Variants in ARHGAP40 observed in about 807,000 individuals in gnomAD.
The protein encoded by ARHGAP40 is Rho GTPase activating protein 40.
Under a neutral mutation model 73.5 loss-of-function variants are expected in ARHGAP40, and 43 were observed. That is an observed-to-expected ratio of 0.58 (90% confidence interval 0.46 to 0.75). The LOEUF (loss-of-function observed/expected upper bound fraction) is 0.75, where lower values mean the gene tolerates loss of function less well. Ranked by LOEUF, ARHGAP40 falls within the 30% of genes least tolerant of loss-of-function variation. The pLI is 0.00. For synonymous variants in ARHGAP40, 300 were observed against 352.8 expected, an observed-to-expected ratio of 0.85 and a Z score of 1.68; for missense variants, 734 against 861.8, an observed-to-expected ratio of 0.85 and a Z score of 1.86.
chr20:38,630,273 G>T (rs2088930902), intron 5 of ARHGAP40, among the ~76,000 whole-genome samples: 1 of 149,946 alleles, frequency 6.7e-6, no homozygotes, highest in African/African-American at 2.5e-5. Context: ...AGGCGGGAGT[G>T]CAGTGGTACC....
At chr20:38,619,418 G>A (rs2088862392) in intron 1 of ARHGAP40, among the ~76,000 whole-genome samples, 1 of 151,842 alleles carries the variant, frequency 6.6e-6, no homozygotes, top group Non-Finnish European at 1.5e-5. Context: ...AGAAGTTGGT[G>A]GATAGAAATG....
intron 1 of ARHGAP40, among the ~76,000 whole-genome samples, chr20:38,615,664 G>A (rs1198632449): frequency 6.6e-6 from 1 of 152,180 alleles, no homozygotes; most frequent in East Asian, 1.9e-4. Flanking sequence ...GTTGGAGATA[G>A]GGTGGAACAT....
intron 1 of ARHGAP40, among the ~76,000 whole-genome samples, chr20:38,620,005 G>A (rs575566595): frequency 3.9e-5 from 6 of 152,276 alleles, no homozygotes; most frequent in Admixed American, 1.3e-4. Context: ...CCAAGACTTC[G>A]AGGCAGCAGT....
chr20:38,604,432 G>A (rs1184624344), intron 1 of ARHGAP40, among the ~76,000 whole-genome samples: 12 of 139,554 alleles, frequency 8.6e-5, no homozygotes, highest in Admixed American at 2.3e-4. Flanking sequence ...GTCTCACTCC[G>A]TTGCCCAGGC....
chr20:38,607,844 C>T lies in ARHGAP40; in HGVS notation c.137+5765C>T, dbSNP rs1347004609. On this transcript the variant is annotated intron_variant, in intron 1 of 14. Transcript: ENST00000373345. ...CATTGCCCTGATTACTTGCGAGGCT[C>T]CACATCTTTTCACATAGGGCATTTG... is the stretch of plus-strand genomic sequence containing the variant. 6.6e-5 allele frequency among the ~76,000 whole-genome samples: 10 copies of T among 152,214 alleles called. 1 individual carries two copies. The highest frequency in any genetic ancestry group is 5.9e-4 in the Admixed American group (9 of 15,282).
intron 5 of ARHGAP40, among the ~76,000 whole-genome samples, chr20:38,629,872 T>A (rs1169833832): frequency 6.6e-6 from 1 of 152,226 alleles, no homozygotes; most frequent in Non-Finnish European, 1.5e-5. Context: ...ATTGTCTCCA[T>A]GCTCTTTGTT....
intron 1 of ARHGAP40, among the ~76,000 whole-genome samples, chr20:38,620,176 A>G (rs1485336832): frequency 6.6e-6 from 1 of 152,262 alleles, no homozygotes; most frequent in African/African-American, 2.4e-5. Flanking sequence ...TATACTTAGC[A>G]CCTGAGTACT....
chr20:38,619,900 C>A (rs1391613140), intron 1 of ARHGAP40, among the ~76,000 whole-genome samples: 1 of 151,904 alleles, frequency 6.6e-6, no homozygotes, highest in Non-Finnish European at 1.5e-5. Context: ...ATAGCAAGAC[C>A]TCGTCTCTAC....
intron 1 of ARHGAP40, among the ~76,000 whole-genome samples, chr20:38,618,457 G>A (rs1373577250): frequency 1.3e-5 from 2 of 152,092 alleles, no homozygotes; most frequent in East Asian, 1.9e-4. Context: ...TTGCTTAGTG[G>A]CACATAACAA....
Position 38,646,454 on chromosome 20 carries a change from C to T in ARHGAP40, c.1710+267C>T, listed in dbSNP as rs1330384155. On this transcript the variant is annotated intron_variant, in intron 12 of 14. Transcript: ENST00000373345. The surrounding 1 kb of genome is among the most constrained non-coding windows in gnomAD (Gnocchi z 4.5). ...CACCGCCGCCCCATTTTTCGGCAGC[C>T]CCTGGCCGAGGGTTGGGAAAATGGG... Among the ~76,000 whole-genome samples, 1 of 152,154 alleles carries T rather than the reference C, an allele frequency of 6.6e-6. No individual in the cohort carries two copies. Among genetic ancestry groups the T allele is most frequent in the African/African-American group, 2.4e-5 (1 of 41,454 alleles).
chr20:38,641,643 T>C, intron 9 of ARHGAP40, 83 bp from the exon 10 acceptor site: 4 of 1,057,412 alleles, frequency 3.8e-6, no homozygotes, highest in Non-Finnish European at 5.0e-6. Flanking sequence ...TTTCCAGCTC[T>C]GGAATTTCCC....
exon 2 of ARHGAP40, chr20:38,623,401 G>T: frequency 7.7e-7 from 1 of 1,290,904 alleles, no homozygotes; most frequent in Non-Finnish European, 1.0e-6. Context: ...TTCCCCAGAA[G>T]AATCTCCTGC....
exon 3 of ARHGAP40, chr20:38,627,101 G>A: frequency 7.7e-7 from 1 of 1,305,454 alleles, no homozygotes; most frequent in Non-Finnish European, 1.0e-6. Flanking sequence ...CCCTGACACA[G>A]ACCCAGGTGG....
rs534739233 is a variant in ARHGAP40 at position 38,613,444 on chromosome 20, T to C, written c.138-9915T>C. ...TGGCTTTCCAACCCTGGTTGCACAA[T>C]GGAATCAACAATAGGTGCCCAGGTC... is the stretch of plus-strand genomic sequence containing the variant. On this transcript the variant is annotated intron_variant, in intron 1 of 14. Coordinates refer to ENST00000373345, the Ensembl canonical transcript of ARHGAP40. Among the ~76,000 whole-genome samples the C allele has an allele frequency of 2.0e-5, 3 of 152,294 alleles. No individual in the cohort carries two copies. In the South Asian group the frequency reaches 6.2e-4, roughly 32 times the overall value.
intron 5 of ARHGAP40, among the ~76,000 whole-genome samples, chr20:38,634,238 G>A (rs1021835101): frequency 2.0e-5 from 3 of 152,112 alleles, no homozygotes; most frequent in Admixed American, 2.0e-4. Context: ...TGTAGTCCCA[G>A]CTACTCAGGA....
At chr20:38,623,016 A>T (rs2088881013) in intron 1 of ARHGAP40, among the ~76,000 whole-genome samples, 2 of 152,218 alleles carry the variant, frequency 1.3e-5, no homozygotes, top group South Asian at 4.1e-4. Context: ...TCCACGAGAC[A>T]CTGCCCTGTC....
intron 1 of ARHGAP40, among the ~76,000 whole-genome samples, chr20:38,615,892 C>T (rs1224853856): frequency 6.6e-6 from 1 of 152,200 alleles, no homozygotes; most frequent in Non-Finnish European, 1.5e-5. Context: ...CTGAAGGTGG[C>T]TGGGGATTAG....
At chr20:38,636,477 G>A (rs149108585) in intron 6 of ARHGAP40, among the ~76,000 whole-genome samples, 44 of 152,008 alleles carry the variant, frequency 2.9e-4, no homozygotes, top group Non-Finnish European at 4.7e-4. Flanking sequence ...TGCCCAGACC[G>A]GTCTCGAACT....
chr20:38,639,351 C>G (rs146978120), exon 9 of ARHGAP40: 1 of 1,305,448 alleles, frequency 7.7e-7, no homozygotes, highest in African/African-American at 1.5e-5. Context: ...CCTTTGCTCA[C>G]GGCTGAGTAC....
Sources: allele counts gnomAD v4.1 joint callset (sites outside exome capture counted in the v4.1 genomes callset), GRCh38; gene constraint gnomAD v4.1.1; non-coding constraint Gnocchi (gnomAD v3.1); transcripts MANE v1.5; gene names NCBI Gene and HGNC (gene_info 2026-07-23, HGNC 2026-07-21).